SUGCT: variants seen among roughly 807,000 people sequenced by gnomAD.
The protein encoded by SUGCT is succinyl-CoA:glutarate-CoA transferase.
A neutral mutation model predicts 55.0 loss-of-function variants in SUGCT; 41 were observed. The observed-to-expected ratio is 0.74, with a 90% CI of 0.58 to 0.97. SUGCT has a LOEUF of 0.97. SUGCT is among the 50% of genes least tolerant of loss of function. SUGCT has a pLI of 0.00. For missense variants in SUGCT, 568 were observed against 547.8 expected (o/e 1.04, Z -0.37); for synonymous variants, 187 against 200.4 (o/e 0.93, Z 0.56).
At chr7:40,220,800 C>G (rs759432411) in intron 6 of SUGCT, among the ~76,000 whole-genome samples, 10 of 152,110 alleles carry the variant, frequency 6.6e-5, no homozygotes, top group African/African-American at 9.7e-5. Flanking sequence ...TGAACCTGGG[C>G]TGACTCACCC....
intron 12 of SUGCT, among the ~76,000 whole-genome samples, chr7:40,723,777 C>T (rs986836894): frequency 1.3e-5 from 2 of 152,206 alleles, no homozygotes; most frequent in Non-Finnish European, 2.9e-5. Context: ...AATTCAGACA[C>T]ATATTGAAGA....
intron 12 of SUGCT, among the ~76,000 whole-genome samples, chr7:40,723,493 G>A (rs920057160): frequency 3.3e-5 from 5 of 152,042 alleles, no homozygotes; most frequent in African/African-American, 4.8e-5. Flanking sequence ...TTCCTCAACC[G>A]ATAATGCAGC....
chr7:40,368,990 G>T (rs552307640), intron 9 of SUGCT, among the ~76,000 whole-genome samples: 1 of 152,074 alleles, frequency 6.6e-6, no homozygotes, highest in Admixed American at 6.6e-5. Context: ...TGTAATCCCA[G>T]CTACTTGGGA....
At chr7:40,445,959 T>C (rs1195790844) in intron 9 of SUGCT, among the ~76,000 whole-genome samples, 1 of 152,080 alleles carries the variant, frequency 6.6e-6, no homozygotes, top group Non-Finnish European at 1.5e-5. Context: ...TACCTTTGCA[T>C]AAAATTATTA....
At chr7:40,387,712 G>A (rs951932847) in intron 9 of SUGCT, among the ~76,000 whole-genome samples, 6 of 152,072 alleles carry the variant, frequency 3.9e-5, no homozygotes, top group African/African-American at 1.4e-4. Context: ...TACTATGTAG[G>A]TACTGTCGAA....
At chr7:40,209,704 G>C (rs1229281672) in intron 6 of SUGCT, among the ~76,000 whole-genome samples, 1 of 151,698 alleles carries the variant, frequency 6.6e-6, no homozygotes, top group Non-Finnish European at 1.5e-5. Flanking sequence ...GCTGAGGCAG[G>C]ATAATTGCTT....
At chr7:40,613,359 A>G (rs1449017255) in intron 12 of SUGCT, among the ~76,000 whole-genome samples, 3 of 152,200 alleles carry the variant, frequency 2.0e-5, no homozygotes, top group Non-Finnish European at 4.4e-5. Context: ...TCGGGCACTC[A>G]GAAACTGTGT....
At chr7:40,303,096 C>T (rs1794634085) in intron 8 of SUGCT, among the ~76,000 whole-genome samples, 1 of 151,926 alleles carries the variant, frequency 6.6e-6, no homozygotes, top group South Asian at 2.1e-4. Flanking sequence ...TGCAGTGGTG[C>T]AGTCTCGGCT....
At chr7:40,571,396 G>A (rs896607668) in intron 12 of SUGCT, among the ~76,000 whole-genome samples, 2 of 152,132 alleles carry the variant, frequency 1.3e-5, no homozygotes, top group African/African-American at 4.8e-5. Flanking sequence ...GTGAGAAAGT[G>A]TGAACTCAAG....
chr7:40,952,005 C>T, the SUGCT span, among the ~76,000 whole-genome samples: 5 of 152,104 alleles, frequency 3.3e-5, no homozygotes, highest in Admixed American at 6.6e-5. Flanking sequence ...TCCTGGATAT[C>T]CTTGTCCATT....
the SUGCT span, among the ~76,000 whole-genome samples, chr7:41,001,566 T>C: frequency 6.6e-6 from 1 of 152,156 alleles, no homozygotes; most frequent in Admixed American, 6.5e-5. Flanking sequence ...ATCATAGTTT[T>C]GGAGTCTGAA....
chr7:40,777,731 T>C (rs958001645), intron 13 of SUGCT, among the ~76,000 whole-genome samples: 1 of 152,052 alleles, frequency 6.6e-6, no homozygotes, highest in Non-Finnish European at 1.5e-5. Context: ...GCCTTTTTTT[T>C]CTTCTCAAGG....
chr7:40,728,541 A>G (rs1305902531), intron 12 of SUGCT, among the ~76,000 whole-genome samples: 4 of 152,066 alleles, frequency 2.6e-5, no homozygotes, highest in Non-Finnish European at 5.9e-5. Flanking sequence ...ATAAAAGAAT[A>G]TACATATTTA....
chr7:40,888,582 T>C, the SUGCT span, among the ~76,000 whole-genome samples: 1 of 152,206 alleles, frequency 6.6e-6, no homozygotes, highest in African/African-American at 2.4e-5. Flanking sequence ...AGCCTTGTGC[T>C]TTAAGGCACA....
At chr7:40,481,018 T>A (rs1369871140) in intron 11 of SUGCT, among the ~76,000 whole-genome samples, 1 of 152,150 alleles carries the variant, frequency 6.6e-6, no homozygotes, top group Non-Finnish European at 1.5e-5. Flanking sequence ...ATAATCAACA[T>A]TTTTTAAAAA....
At chr7:40,644,404 T>C (rs1345379718) in intron 12 of SUGCT, among the ~76,000 whole-genome samples, 1 of 152,222 alleles carries the variant, frequency 6.6e-6, no homozygotes, top group African/African-American at 2.4e-5. Context: ...ATGGAGCCAC[T>C]CACTACTGAT....
intron 11 of SUGCT, among the ~76,000 whole-genome samples, chr7:40,493,434 T>G (rs1791801294): frequency 6.6e-6 from 1 of 152,230 alleles, no homozygotes; most frequent in Non-Finnish European, 1.5e-5. Flanking sequence ...CATTTGCAAC[T>G]TTAATTCATT....
In SUGCT at chr7:40,223,679, A is replaced by G. The variant is rs142334812; in HGVS notation, c.485-13956A>G. On this transcript the variant is annotated intron_variant, in intron 6 of 13. Coordinates refer to ENST00000335693, the MANE Select transcript of SUGCT (RefSeq NM_001193313.2). ...AGTCTGCACTTTTGAAAAGACTTTA[A>G]TTGCTCTCACTTTGGGCAGTTCAAA... 1.2e-4 allele frequency among the ~76,000 whole-genome samples: 19 copies of G among 152,292 alleles called. No homozygotes were observed. The East Asian group carries it at 3.7e-3, about 29-fold the overall frequency.
At chr7:40,203,689 C>T (rs749953106) in intron 6 of SUGCT, among the ~76,000 whole-genome samples, 8 of 151,480 alleles carry the variant, frequency 5.3e-5, no homozygotes, top group Non-Finnish European at 1.0e-4. Context: ...GCATGAGAAT[C>T]GGTTGAACCT....
Sources: gnomAD v4.1 joint callset for allele counts (sites outside exome capture counted in the v4.1 genomes callset) on GRCh38, gnomAD v4.1.1 for gene constraint, MANE v1.5 for transcripts, NCBI Gene and HGNC (gene_info 2026-07-23, HGNC 2026-07-21) for gene names.